Variants in GALNT18 observed in about 807,000 individuals in gnomAD.
GALNT18 encodes the protein polypeptide N-acetylgalactosaminyltransferase 18.
GALNT18 carries 44 observed loss-of-function variants against 69.5 expected under a neutral mutation model. The observed-to-expected ratio is 0.63, with a 90% CI of 0.50 to 0.81. The LOEUF is 0.81. Ranked by LOEUF, GALNT18 falls within the 40% of genes least tolerant of loss-of-function variation. GALNT18 has a pLI of 0.00. For missense variants in GALNT18, 715 were observed against 810.0 expected (o/e 0.88, Z 1.42); for synonymous variants, 364 against 318.2 (o/e 1.14, Z -1.53).
chr11:11,509,176 C>A (rs79215973), intron 1 of GALNT18, among the ~76,000 whole-genome samples: 108 of 152,208 alleles, frequency 7.1e-4, no homozygotes, highest in African/African-American at 2.4e-3. Context: ...AAAAAAGCTT[C>A]CTCCTTTTCT....
intron 1 of GALNT18, among the ~76,000 whole-genome samples, chr11:11,522,719 A>G (rs1001146430): frequency 6.6e-6 from 1 of 152,194 alleles, no homozygotes; most frequent in Non-Finnish European, 1.5e-5. Context: ...CTGTATCCAC[A>G]GAACTCAAGA....
At chr11:11,297,317 C>G (rs781134132) in intron 9 of GALNT18, among the ~76,000 whole-genome samples, 1 of 152,198 alleles carries the variant, frequency 6.6e-6, no homozygotes, top group Non-Finnish European at 1.5e-5. Context: ...CATGCTTTAT[C>G]TTGTTTAATC....
In GALNT18 at chr11:11,541,575, T is replaced by C. The variant is rs369625925; in HGVS notation, c.235+79784A>G. Among the ~76,000 whole-genome samples the C allele has an allele frequency of 4.3e-4, 66 of 152,258 alleles. No individual in the cohort carries two copies. Among genetic ancestry groups the C allele is most frequent in the Middle Eastern group, 6.8e-3 (2 of 294 alleles). On this transcript the variant is annotated intron_variant, in intron 1 of 10. Coordinates refer to ENST00000227756, the MANE Select transcript of GALNT18 (RefSeq NM_198516.3). This position sits in a 1 kb window ranked among gnomAD's most constrained non-coding sequence, Gnocchi z 4.8. ...AGTCTTAATCCATTAGTCTGACATATAAAGCCTTCCTGGGCTGGCACCCCA... is the reference window on the plus strand; with the variant it reads ...AGTCTTAATCCATTAGTCTGACATACAAAGCCTTCCTGGGCTGGCACCCCA...
chr11:11,372,601 C>T lies in GALNT18; in HGVS notation c.1006G>A (p.Val336Met). 6.2e-7 allele frequency: 1 copy of T among 1,614,206 alleles called. No homozygotes were observed. Among genetic ancestry groups the T allele is most frequent in the Non-Finnish European group, 8.5e-7 (1 of 1,180,028 alleles). ...ATCTCCTGGAAGTACTGCCGGTCCACAATGAAGCAGCCAATGAGGGCAGGG... is the reference window on the plus strand; with the variant it reads ...ATCTCCTGGAAGTACTGCCGGTCCATAATGAAGCAGCCAATGAGGGCAGGG... ...RSPALIGCFI[V>M]DRQYFQEIGL... The change falls in exon 6 of 11, where the codon GTG becomes ATG. Residue 336 changes from valine to methionine, a missense_variant. Transcript: ENST00000227756. The surrounding 1 kb of genome is among the most constrained non-coding windows in gnomAD (Gnocchi z 4.9).
intron 1 of GALNT18, among the ~76,000 whole-genome samples, chr11:11,484,607 A>AAG (rs1856603823): frequency 6.6e-6 from 1 of 151,662 alleles, no homozygotes. Context: ...AAAAAAAAAA[A>AAG]AAAAAAAAAT....
At chr11:11,521,675 G>T (rs1857402791) in intron 1 of GALNT18, among the ~76,000 whole-genome samples, 1 of 152,044 alleles carries the variant, frequency 6.6e-6, no homozygotes, top group Non-Finnish European at 1.5e-5. Context: ...AACAAAAATT[G>T]CTCAAAGCCA....
At chr11:11,487,242 G>T (rs1347890847) in intron 1 of GALNT18, among the ~76,000 whole-genome samples, 1 of 152,090 alleles carries the variant, frequency 6.6e-6, no homozygotes, top group East Asian at 1.9e-4. Context: ...ATGACACAGT[G>T]GACTTTGGGG....
At position 11,592,929 on chromosome 11, in the gene GALNT18, GTTTGTTT is replaced by G. The variant is rs112673107; in HGVS notation, c.235+28423_235+28429del. Among the ~76,000 whole-genome samples the G allele has an allele frequency of 1.3e-5, 2 of 152,016 alleles. No homozygotes were observed. Among genetic ancestry groups the G allele is most frequent in the Non-Finnish European group, 2.9e-5 (2 of 68,012 alleles). On this transcript the variant is annotated intron_variant, in intron 1 of 10. Transcript: ENST00000227756. The surrounding 1 kb of genome is among the most constrained non-coding windows in gnomAD (Gnocchi z 5.9). ...CCCATGCTTCGCGTTGTTTTTTTCT[GTTTGTTT>G]TTTGTTTTTGTCTCTGTCTCCCAGG...
Position 11,359,322 on chromosome 11 carries a change from G to A in GALNT18, c.1092+13193C>T, listed in dbSNP as rs748265509. Among the ~76,000 whole-genome samples, 2 of 140,848 alleles carry A rather than the reference G, an allele frequency of 1.4e-5. 1 individual carries two copies. The highest frequency in any genetic ancestry group is 5.2e-5 in the African/African-American group (2 of 38,144). 92.4% of individuals were successfully genotyped at this position (140,848 alleles called of 152,430 possible). A position where few individuals can be genotyped will look rare whatever the true frequency, so the allele number is the denominator to read the frequency against. ...CACATTAACCTGTACACATTAACCTGCCTGGACTGCCTTCACTGGTAATTT... is the reference window on the plus strand; with the variant it reads ...CACATTAACCTGTACACATTAACCTACCTGGACTGCCTTCACTGGTAATTT... On this transcript the variant is annotated intron_variant, in intron 6 of 10. Transcript: ENST00000227756.
At chr11:11,417,526 G>A (rs1854894480) in intron 3 of GALNT18, among the ~76,000 whole-genome samples, 1 of 152,164 alleles carries the variant, frequency 6.6e-6, no homozygotes, top group African/African-American at 2.4e-5. Flanking sequence ...GTCTTGTTCA[G>A]CCCACCAAGC....
chr11:11,332,966 C>T lies in GALNT18; in HGVS notation c.1279-135G>A. On this transcript the variant is annotated intron_variant, in intron 7 of 10. Transcript: ENST00000227756. This position sits in a 1 kb window ranked among gnomAD's most constrained non-coding sequence, Gnocchi z 4.3. ...GAAGGGACCATGTGGCACGTTAACTCTTGCATTTTCCCACGGGTACCTTAA... is the reference window on the plus strand; with the variant it reads ...GAAGGGACCATGTGGCACGTTAACTTTTGCATTTTCCCACGGGTACCTTAA... 1.1e-6 allele frequency: 1 copy of T among 908,586 alleles called. No homozygotes were observed. Among genetic ancestry groups the T allele is most frequent in the African/African-American group, 1.6e-5 (1 of 61,668 alleles). The allele number at this position is 908,586 out of a possible 1,614,324, so 56.3% of individuals were successfully genotyped here. A position where few individuals can be genotyped will look rare whatever the true frequency, so the allele number is the denominator to read the frequency against.
chr11:11,313,728 A>G (rs560494992), intron 9 of GALNT18, among the ~76,000 whole-genome samples: 1 of 152,272 alleles, frequency 6.6e-6, no homozygotes, highest in South Asian at 2.1e-4. Flanking sequence ...GTAATTGTGT[A>G]ACCTTGAGCA....
chr11:11,280,547 A>C (rs1237528510), intron 10 of GALNT18, among the ~76,000 whole-genome samples: 2 of 151,496 alleles, frequency 1.3e-5, no homozygotes, highest in African/African-American at 2.4e-5. Context: ...GTTCCTCCAC[A>C]CCTTCCCTTC....
chr11:11,542,742 G>A lies in GALNT18; in HGVS notation c.235+78617C>T, dbSNP rs1051935386. Among the ~76,000 whole-genome samples the A allele has an allele frequency of 6.6e-6, 1 of 152,198 alleles. No homozygotes were observed. Among genetic ancestry groups the A allele is most frequent in the African/African-American group, 2.4e-5 (1 of 41,452 alleles). On this transcript the variant is annotated intron_variant, in intron 1 of 10. Coordinates refer to ENST00000227756, the MANE Select transcript of GALNT18 (RefSeq NM_198516.3). The surrounding 1 kb of genome is among the most constrained non-coding windows in gnomAD (Gnocchi z 4.3). Reference sequence around the variant, plus strand: ...AAAGCAAATTTCAGTTTGCCTTTGAGTTCCTTTATAGTCTAAGAGCCCCTT... The same window carrying A: ...AAAGCAAATTTCAGTTTGCCTTTGAATTCCTTTATAGTCTAAGAGCCCCTT...
intron 5 of GALNT18, among the ~76,000 whole-genome samples, chr11:11,376,604 C>T (rs560343018): frequency 1.3e-5 from 2 of 152,268 alleles, no homozygotes; most frequent in South Asian, 4.2e-4. Flanking sequence ...ATACACTGTC[C>T]TGTGGGGTCC....
chr11:11,509,644 C>T (rs530893501), intron 1 of GALNT18, among the ~76,000 whole-genome samples: 1 of 152,350 alleles, frequency 6.6e-6, no homozygotes, highest in African/African-American at 2.4e-5. Flanking sequence ...TTTCCCCCCT[C>T]TCCATGCCTC....
Position 11,309,097 on chromosome 11 carries a change from C to T in GALNT18, c.1513-15904G>A, listed in dbSNP as rs111482732. Among the ~76,000 whole-genome samples the T allele has an allele frequency of 2.0e-5, 3 of 151,904 alleles. No individual in the cohort carries two copies. The highest frequency in any genetic ancestry group is 7.2e-5 in the African/African-American group (3 of 41,456). ...GGTGTTTGGATCACTGGAGCACTGC[C>T]CTCATGAATGGATTAGTGCCATCAT... is the stretch of plus-strand genomic sequence containing the variant. On this transcript the variant is annotated intron_variant, in intron 9 of 10. Coordinates refer to ENST00000227756, the MANE Select transcript of GALNT18 (RefSeq NM_198516.3). The surrounding 1 kb of genome is among the most constrained non-coding windows in gnomAD (Gnocchi z 4.6).
intron 3 of GALNT18, among the ~76,000 whole-genome samples, chr11:11,422,456 G>A (rs900284820): frequency 6.6e-6 from 1 of 152,244 alleles, no homozygotes; most frequent in African/African-American, 2.4e-5. Flanking sequence ...GGCAGGCAGT[G>A]GCAAAGAGCC....
At position 11,621,161 on chromosome 11, in the gene GALNT18, CG is replaced by C. The variant is rs1934675569; in HGVS notation, c.235+197del. On this transcript the variant is annotated intron_variant, in intron 1 of 10. Coordinates refer to ENST00000227756, the MANE Select transcript of GALNT18 (RefSeq NM_198516.3). This position sits in a 1 kb window ranked among gnomAD's most constrained non-coding sequence, Gnocchi z 9.3. ...CAGCCCTGCGCACACACGTGTGCCC[CG>C]GGGAAGAGCGCACGGCCGCAGACAG... Among the ~76,000 whole-genome samples the C allele has an allele frequency of 6.6e-6, 1 of 152,152 alleles. No homozygotes were observed. Among genetic ancestry groups the C allele is most frequent in the South Asian group, 2.1e-4 (1 of 4,830 alleles).
Sources: allele counts gnomAD v4.1 joint callset (sites outside exome capture counted in the v4.1 genomes callset), GRCh38; gene constraint gnomAD v4.1.1; non-coding constraint Gnocchi (gnomAD v3.1); transcripts MANE v1.5; gene names NCBI Gene and HGNC (gene_info 2026-07-23, HGNC 2026-07-21).